Variants in KSR2 observed in about 807,000 individuals in gnomAD.
KSR2 encodes the protein kinase suppressor of ras 2.
In KSR2, 25 loss-of-function variants were observed where a neutral mutation model predicts 107.8. The observed-to-expected ratio is 0.23, with a 90% CI of 0.17 to 0.32. The LOEUF (loss-of-function observed/expected upper bound fraction) is 0.32, where lower values mean the gene tolerates loss of function less well. Ranked by LOEUF, KSR2 falls within the 10% of genes least tolerant of loss-of-function variation. The pLI, the probability that KSR2 is intolerant of heterozygous loss-of-function variation, is 1.00. For synonymous variants in KSR2, 480 were observed against 507.0 expected (o/e 0.95, Z 0.71); for missense variants, 887 against 1,268.9 (o/e 0.70, Z 4.57).
At position 117,950,067 on chromosome 12, in the gene KSR2, G is replaced by A. The variant is rs188173072; in HGVS notation, c.180+18009C>T. On this transcript the variant is annotated intron_variant, in intron 1 of 19. Transcript: ENST00000339824. ...CGGCTCACTGCAACCTCCGCCTCCT[G>A]GGCTCAAGCAATTCTCTTGCCTCAG... Among the ~76,000 whole-genome samples, 513 of 151,686 alleles carry A rather than the reference G, an allele frequency of 3.4e-3. 3 individuals carry two copies. Among genetic ancestry groups the A allele is most frequent in the African/African-American group, 0.012 (489 of 41,352 alleles).
rs577902114 is a variant in KSR2 at position 117,458,933 on chromosome 12, C to G, written c.*8266G>C. The G allele has an allele frequency of 6.6e-6, 1 of 152,294 alleles. No homozygotes were observed. The highest frequency in any genetic ancestry group is 1.5e-5 in the Non-Finnish European group (1 of 68,110). The allele number at this position is 152,294 out of a possible 1,614,324, so 9.4% of individuals were successfully genotyped here. ...ACTGAACAGCAGAAATTTTACAAAC[C>G]TCCTCAAGAAAGAAAAGCCCTTGCA... On this transcript the variant is annotated 3_prime_UTR_variant, in exon 20 of 20. Coordinates refer to ENST00000339824, the MANE Select transcript of KSR2 (RefSeq NM_173598.6).
intron 3 of KSR2, among the ~76,000 whole-genome samples, chr12:117,830,620 G>A (rs975594856): frequency 6.6e-5 from 10 of 152,200 alleles, no homozygotes; most frequent in Admixed American, 1.3e-4. Flanking sequence ...AAGAAAGCCT[G>A]CGTCATTTCC....
chr12:117,668,757 T>C (rs1884776339), intron 4 of KSR2, among the ~76,000 whole-genome samples: 1 of 152,182 alleles, frequency 6.6e-6, no homozygotes, highest in Non-Finnish European at 1.5e-5. Flanking sequence ...TATGGATATC[T>C]GTCTGATAGT....
chr12:117,637,866 T>G (rs1883187936), intron 5 of KSR2, among the ~76,000 whole-genome samples: 1 of 151,900 alleles, frequency 6.6e-6, no homozygotes, highest in African/African-American at 2.4e-5. Flanking sequence ...CTGTCCTAAA[T>G]GCTCAAGTGT....
At chr12:117,749,120 CAAAA>C (rs34973454) in intron 4 of KSR2, among the ~76,000 whole-genome samples, 62 of 105,976 alleles carry the variant, frequency 5.9e-4, no homozygotes, top group Non-Finnish European at 5.0e-4. Context: ...GCTCCACTGG[CAAAA>C]AAAAAAAAAA....
chr12:117,821,888 G>A (rs969793505), intron 3 of KSR2, among the ~76,000 whole-genome samples: 1 of 152,168 alleles, frequency 6.6e-6, no homozygotes, highest in Non-Finnish European at 1.5e-5. Flanking sequence ...TGGGTAAAAT[G>A]AGGCTGAAAC....
intron 5 of KSR2, among the ~76,000 whole-genome samples, chr12:117,605,323 C>T (rs1188088590): frequency 1.3e-5 from 2 of 152,270 alleles, no homozygotes; most frequent in South Asian, 2.1e-4. Context: ...GCAAAGACCA[C>T]GAATGTCCAA....
At chr12:117,525,402 A>G (rs1266576744) in intron 13 of KSR2, among the ~76,000 whole-genome samples, 183 bp from the exon 14 acceptor site, 1 of 152,116 alleles carries the variant, frequency 6.6e-6, no homozygotes, top group Non-Finnish European at 1.5e-5. Context: ...ATCATACTAC[A>G]GTGAAGGTGC....
At chr12:117,888,861 AT>A in intron 1 of KSR2, among the ~76,000 whole-genome samples, 1 of 152,190 alleles carries the variant, frequency 6.6e-6, no homozygotes. Context: ...GAGTTAGTGA[AT>A]TTCATTTTGG....
In KSR2 at chr12:117,670,120, G is replaced by T. The variant is rs568222676; in HGVS notation, c.987-2462C>A. On this transcript the variant is annotated intron_variant, in intron 4 of 19. Transcript: ENST00000339824. Reference sequence around the variant, plus strand: ...ACACTAAAAACAAGGATTCCAGCAAGGTGCTGATTAAGCTTTGATCTGAAA... The same window carrying T: ...ACACTAAAAACAAGGATTCCAGCAATGTGCTGATTAAGCTTTGATCTGAAA... 5.3e-5 allele frequency among the ~76,000 whole-genome samples: 8 copies of T among 152,256 alleles called. No homozygotes were observed. The South Asian group carries it at 1.5e-3, about 28-fold the overall frequency.
At chr12:117,770,485 A>G (rs545745641) in intron 3 of KSR2, among the ~76,000 whole-genome samples, 2 of 152,078 alleles carry the variant, frequency 1.3e-5, no homozygotes, top group South Asian at 2.1e-4. Context: ...ACTGTGGGAA[A>G]GTATGTTTCT....
At chr12:117,705,108 C>T (rs941734288) in intron 4 of KSR2, among the ~76,000 whole-genome samples, 1 of 152,040 alleles carries the variant, frequency 6.6e-6, no homozygotes, top group Non-Finnish European at 1.5e-5. Flanking sequence ...TAGAGTCCAT[C>T]CTATAAAGGA....
chr12:117,782,025 C>G (rs1051479418), intron 3 of KSR2, among the ~76,000 whole-genome samples: 1 of 152,194 alleles, frequency 6.6e-6, no homozygotes, highest in Admixed American at 6.5e-5. Context: ...CCCTAGTTAC[C>G]AACCCTGTAG....
chr12:117,867,078 G>A (rs1306552841), intron 1 of KSR2, among the ~76,000 whole-genome samples: 1 of 152,088 alleles, frequency 6.6e-6, no homozygotes, highest in African/African-American at 2.4e-5. Context: ...CACCTTAGGA[G>A]GCCAAGGTGG....
At chr12:117,653,851 G>C (rs557469384) in intron 5 of KSR2, among the ~76,000 whole-genome samples, 1 of 152,182 alleles carries the variant, frequency 6.6e-6, no homozygotes, top group Non-Finnish European at 1.5e-5. Context: ...GTGGGGTCCA[G>C]AACAGGAGAA....
chr12:117,684,728 A>G (rs1314936367), intron 4 of KSR2, among the ~76,000 whole-genome samples: 1 of 152,176 alleles, frequency 6.6e-6, no homozygotes, highest in Admixed American at 6.5e-5. Context: ...TGTGCTCATG[A>G]CACATTATCT....
At chr12:117,963,557 C>T (rs1019788639) in intron 1 of KSR2, among the ~76,000 whole-genome samples, 4 of 152,012 alleles carry the variant, frequency 2.6e-5, no homozygotes, top group Non-Finnish European at 4.4e-5. Flanking sequence ...AAGCCATGAT[C>T]GTGCCACTGC....
rs544968527 is a variant in KSR2 at position 117,546,798 on chromosome 12, T to C, written c.1519-6911A>G. ...ATCTGGTTATTGTATTTTCTAATTG[T>C]ATGTTCTAAATTTTCTAAATGCTTC... is the stretch of plus-strand genomic sequence containing the variant. On this transcript the variant is annotated intron_variant, in intron 9 of 19. Coordinates refer to ENST00000339824, the MANE Select transcript of KSR2 (RefSeq NM_173598.6). 5.3e-5 allele frequency among the ~76,000 whole-genome samples: 8 copies of C among 152,358 alleles called. No individual in the cohort carries two copies. In the East Asian group the frequency reaches 1.5e-3, roughly 29 times the overall value.
intron 3 of KSR2, among the ~76,000 whole-genome samples, chr12:117,773,186 G>A (rs994754236): frequency 4.6e-5 from 7 of 152,174 alleles, no homozygotes; most frequent in African/African-American, 1.7e-4. Context: ...TAGGAAAGGT[G>A]TGGTAGCAGG....
Sources: gnomAD v4.1 joint callset for allele counts (sites outside exome capture counted in the v4.1 genomes callset) on GRCh38, gnomAD v4.1.1 for gene constraint, MANE v1.5 for transcripts, NCBI Gene and HGNC (gene_info 2026-07-23, HGNC 2026-07-21) for gene names.